The following NIPA1 variants were observed in gnomAD, a reference collection of about 807,000 sequenced individuals.
NIPA1 encodes the protein NIPA magnesium transporter 1, also known as magnesium transporter NIPA1.
Under a neutral mutation model 23.9 loss-of-function variants are expected in NIPA1, and 13 were observed. The observed-to-expected ratio is 0.54, with a 90% CI of 0.35 to 0.87. NIPA1 has a LOEUF of 0.87. Among genes scored for constraint, NIPA1 ranks in the 40% least tolerant of loss-of-function variants. The probability of loss-of-function intolerance (pLI) is 0.01; values close to 1 mark genes in which losing one functional copy is unlikely to be tolerated. For missense variants in NIPA1, 362 were observed against 429.7 expected, an observed-to-expected ratio of 0.84 and a Z score of 1.39; for synonymous variants, 234 against 202.9, an observed-to-expected ratio of 1.15 and a Z score of -1.30.
intron 1 of NIPA1, among the ~76,000 whole-genome samples, chr15:22,799,492 A>G (rs1274458881): frequency 6.6e-6 from 1 of 152,022 alleles, no homozygotes. Context: ...AAAAAATACA[A>G]AAATTGGCCG....
Position 22,786,689 on chromosome 15 carries a change from G to A in NIPA1, c.33G>A (p.Ala11=), listed in dbSNP as rs1325030074. The A allele has an allele frequency of 9.0e-7, 1 of 1,109,100 alleles. No individual in the cohort carries two copies. The highest frequency in any genetic ancestry group is 4.6e-5 in the Admixed American group (1 of 21,750). 68.7% of individuals were successfully genotyped at this position (1,109,100 alleles called of 1,614,324 possible). A position where few individuals can be genotyped will look rare whatever the true frequency, so the allele number is the denominator to read the frequency against. The part of the protein sequence containing the change: MGTAAAAAAA[A]AAAAAGEGAR... The stretch of plus-strand genomic sequence containing the variant: ...CTGCAGCTGCGGCAGCGGCGGCGGC[G>A]GCGGCGGCGGCGGCCGGGGAGGGGG... Residue 11 remains alanine, a synonymous_variant, in exon 1 of 5, where the codon GCG becomes GCA. Transcript: ENST00000337435.
At chr15:22,791,025 A>G (rs1403998420) in intron 1 of NIPA1, among the ~76,000 whole-genome samples, 1 of 152,108 alleles carries the variant, frequency 6.6e-6, no homozygotes, top group African/African-American at 2.4e-5. Flanking sequence ...CAGTTATGTT[A>G]TATGGTTATA....
intron 1 of NIPA1, among the ~76,000 whole-genome samples, chr15:22,799,943 CAAAAAAAAAAAAAA>C (rs61174589): frequency 2.1e-5 from 1 of 47,016 alleles, no homozygotes; most frequent in African/African-American, 8.0e-5. Context: ...GACCCTGTCT[CAAAAAAAAAAAAAA>C]AAAAAAAAAA....
chr15:22,793,414 C>A, intron 1 of NIPA1, among the ~76,000 whole-genome samples: 1 of 147,332 alleles, frequency 6.8e-6, no homozygotes, highest in Non-Finnish European at 1.5e-5. Context: ...TATAGTCATT[C>A]TGCCCTGCTG....
chr15:22,794,672 G>A (rs1894905197), intron 1 of NIPA1, among the ~76,000 whole-genome samples: 1 of 152,066 alleles, frequency 6.6e-6, no homozygotes, highest in African/African-American at 2.4e-5. Context: ...GAGTCCCCAA[G>A]CCTTCCACAC....
intron 4 of NIPA1, among the ~76,000 whole-genome samples, chr15:22,822,536 G>A (rs1263599576): frequency 6.6e-6 from 1 of 152,152 alleles, no homozygotes; most frequent in African/African-American, 2.4e-5. Context: ...ATTGTTAAGA[G>A]AATGTTTCTA....
chr15:22,798,920 C>T (rs1895004293), intron 1 of NIPA1, among the ~76,000 whole-genome samples: 2 of 149,804 alleles, frequency 1.3e-5, no homozygotes, highest in Non-Finnish European at 1.5e-5. Context: ...GTTAATGAAT[C>T]CCATGTACAT....
chr15:22,807,094 A>C (rs1236957382), intron 1 of NIPA1, among the ~76,000 whole-genome samples: 1 of 152,210 alleles, frequency 6.6e-6, no homozygotes, highest in Admixed American at 6.5e-5. Flanking sequence ...GGAGAGTACA[A>C]GTTGCAGGGC....
At chr15:22,787,024 G>A (rs1206477945) in intron 1 of NIPA1, among the ~76,000 whole-genome samples, 190 bp downstream of exon 1, 1 of 151,830 alleles carries the variant, frequency 6.6e-6, no homozygotes, top group Non-Finnish European at 1.5e-5. Context: ...CTGGCGCTCG[G>A]GCCCGGGAGC....
At chr15:22,789,118 G>A (rs1468932122) in intron 1 of NIPA1, among the ~76,000 whole-genome samples, 3 of 151,094 alleles carry the variant, frequency 2.0e-5, no homozygotes, top group Non-Finnish European at 4.4e-5. Context: ...ACAGCCTCCC[G>A]AGCTGGGATT....
rs1895594084 is a variant in NIPA1 at position 22,823,808 on chromosome 15, A to G, written c.559A>G (p.Asn187Asp). The part of the protein sequence containing the change: ...FWIAPAHGPT[N>D]IMVYISICSL... ...GATCGCGCCGGCCCATGGGCCCACCAACATCATGGTCTACATCAGCATCTG... is the reference window on the plus strand; with the variant it reads ...GATCGCGCCGGCCCATGGGCCCACCGACATCATGGTCTACATCAGCATCTG... The change falls in exon 5 of 5, where the codon AAC (asparagine) becomes GAC (aspartate). Residue 187 changes from asparagine (N) to aspartate (D), a missense_variant. Physicochemically the swap from Asn to Asp is conservative, Grantham distance 23. Coordinates refer to ENST00000337435, the MANE Select transcript of NIPA1 (RefSeq NM_144599.5). The G allele has an allele frequency of 6.2e-7, 1 of 1,614,074 alleles. No individual in the cohort carries two copies. Among genetic ancestry groups the G allele is most frequent in the Middle Eastern group, 1.6e-4 (1 of 6,062 alleles).
intron 1 of NIPA1, among the ~76,000 whole-genome samples, chr15:22,808,078 T>C (rs551173135): frequency 5.3e-5 from 8 of 152,246 alleles, no homozygotes; most frequent in African/African-American, 1.7e-4. Context: ...CATGAGCCAC[T>C]GCACCCGGCC....
At chr15:22,788,223 C>T (rs996283826) in intron 1 of NIPA1, among the ~76,000 whole-genome samples, 1 of 152,050 alleles carries the variant, frequency 6.6e-6, no homozygotes, top group Non-Finnish European at 1.5e-5. Context: ...ATCTTGCGGC[C>T]GGGCGCGGTG....
At chr15:22,814,143 T>G (rs1418696220) in intron 3 of NIPA1, 1 of 1,255,290 alleles carries the variant, frequency 8.0e-7, no homozygotes, top group African/African-American at 1.5e-5. Flanking sequence ...TGTCTTCAAC[T>G]TGGAATCCCA....
At chr15:22,795,210 G>A (rs560267214) in intron 1 of NIPA1, among the ~76,000 whole-genome samples, 70 of 152,218 alleles carry the variant, frequency 4.6e-4, no homozygotes, top group African/African-American at 1.6e-3. Context: ...GGTGAGAAGG[G>A]CGTGAGAGTC....
intron 1 of NIPA1, among the ~76,000 whole-genome samples, chr15:22,791,524 C>T (rs773558997): frequency 3.3e-4 from 37 of 111,962 alleles, no homozygotes; most frequent in Non-Finnish European, 2.1e-4. Flanking sequence ...TGCTCTGTTG[C>T]CCAGGCTGGA....
intron 3 of NIPA1, 93 bp downstream of exon 3, chr15:22,812,346 A>G (rs1895334881): frequency 2.2e-6 from 2 of 920,382 alleles, no homozygotes; most frequent in Non-Finnish European, 3.5e-6. Flanking sequence ...TAAGAGCAAA[A>G]TTGTAATAGA....
intron 4 of NIPA1, among the ~76,000 whole-genome samples, chr15:22,820,681 C>G (rs894973681): frequency 6.6e-6 from 1 of 151,548 alleles, no homozygotes; most frequent in Admixed American, 6.6e-5. Context: ...CCCGCCTGAT[C>G]CTCAGGCCCT....
At chr15:22,793,018 A>G (rs1215560484) in intron 1 of NIPA1, among the ~76,000 whole-genome samples, 1 of 152,084 alleles carries the variant, frequency 6.6e-6, no homozygotes, top group Non-Finnish European at 1.5e-5. Flanking sequence ...CCAAGATCAC[A>G]CCACTGCACT....
Sources: gnomAD v4.1 joint callset for allele counts (sites outside exome capture counted in the v4.1 genomes callset) on GRCh38, gnomAD v4.1.1 for gene constraint, MANE v1.5 for transcripts, NCBI Gene and HGNC (gene_info 2026-07-23, HGNC 2026-07-21) for gene names.